AR: variants seen among roughly 807,000 people sequenced by gnomAD.
AR encodes androgen receptor.
AR carries 8 observed loss-of-function variants against 53.9 expected under a neutral mutation model. The observed-to-expected ratio is 0.15, with a 90% CI of 0.09 to 0.27. AR has a LOEUF of 0.27. Ranked by LOEUF, AR falls within the 10% of genes least tolerant of loss-of-function variation. AR has a pLI of 1.00. For synonymous variants in AR, 359 were observed against 316.4 expected, an observed-to-expected ratio of 1.13 and a Z score of -1.43; for missense variants, 639 against 742.5, an observed-to-expected ratio of 0.86 and a Z score of 1.62.
intron 1 of AR, among the ~76,000 whole-genome samples, chrX:67,564,164 A>C (rs758947371): frequency 8.9e-6 from 1 of 111,837 alleles, no homozygotes; most frequent in African/African-American, 3.2e-5. Context: ...ACATTTTTTT[A>C]ACAGCAAGTT....
intron 1 of AR, among the ~76,000 whole-genome samples, chrX:67,632,966 C>T (rs539858478): frequency 5.4e-5 from 6 of 111,479 alleles, no homozygotes; most frequent in African/African-American, 9.8e-5. Context: ...ATTGAGATAC[C>T]GGTTTACACC....
At chrX:67,570,401 A>G (rs1014419337) in intron 1 of AR, among the ~76,000 whole-genome samples, 5 of 112,227 alleles carry the variant, frequency 4.5e-5, no homozygotes, top group Non-Finnish European at 9.4e-5. Context: ...GGTACTTAAA[A>G]GTGTGTTGGT....
chrX:67,649,692 T>C (rs1470734971), intron 2 of AR, among the ~76,000 whole-genome samples: 1 of 112,324 alleles, frequency 8.9e-6, no homozygotes, highest in East Asian at 2.8e-4. Context: ...AAGTGTCTGT[T>C]CATATCCTTC....
At chrX:67,705,730 C>A (rs1602268108) in intron 3 of AR, among the ~76,000 whole-genome samples, 1 of 111,630 alleles carries the variant, frequency 9.0e-6, no homozygotes, top group Non-Finnish European at 1.9e-5. Context: ...TGCCAGTTTT[C>A]AAAGGGAGTG....
chrX:67,619,803 A>T (rs745927087), intron 1 of AR, among the ~76,000 whole-genome samples: 1 of 110,880 alleles, frequency 9.0e-6, no homozygotes, highest in South Asian at 3.9e-4. Context: ...CTGGAGTGAG[A>T]TGGGGTAGGG....
intron 1 of AR, among the ~76,000 whole-genome samples, chrX:67,639,340 T>A (rs1925622056): frequency 8.9e-6 from 1 of 112,095 alleles, no homozygotes; most frequent in South Asian, 3.7e-4. Flanking sequence ...GTAGTTTTTT[T>A]ATAATTCTGC....
chrX:67,626,436 CTTTTTTTTTTT>C (rs1233324601), intron 1 of AR, among the ~76,000 whole-genome samples: 3 of 46,817 alleles, frequency 6.4e-5, no homozygotes, highest in South Asian at 3.2e-3. Flanking sequence ...CAGGCTCTCT[CTTTTTTTTTTT>C]TTTTTTTTTT....
intron 2 of AR, among the ~76,000 whole-genome samples, chrX:67,675,963 G>A (rs915706701): frequency 9.0e-6 from 1 of 111,585 alleles, no homozygotes; most frequent in Non-Finnish European, 1.9e-5. Flanking sequence ...CCATGTCTTA[G>A]CTTTGAGCCT....
In AR at chrX:67,642,818, G is replaced by C. The variant is rs764159679; in HGVS notation, c.1617-438G>C. Among the ~76,000 whole-genome samples, 118 of 111,976 alleles carry C rather than the reference G, an allele frequency of 1.1e-3. 1 individual carries two copies. The highest frequency in any genetic ancestry group is 1.8e-3 in the Non-Finnish European group (96 of 53,174). ...ATAGATGAGATTTGAGGCTCACGAA[G>C]CTAAAGCAAGGAACATCAAATCACT... On this transcript the variant is annotated intron_variant, in intron 1 of 7. Coordinates refer to ENST00000374690, the MANE Select transcript of AR (RefSeq NM_000044.6).
intron 1 of AR, among the ~76,000 whole-genome samples, chrX:67,636,071 T>C (rs1014709182): frequency 3.6e-5 from 4 of 111,758 alleles, no homozygotes; most frequent in Non-Finnish European, 7.5e-5. Flanking sequence ...GAGCCCAGAT[T>C]AAAGAATCAA....
chrX:67,558,907 G>A (rs190085903), intron 1 of AR, among the ~76,000 whole-genome samples: 35 of 112,215 alleles, frequency 3.1e-4, no homozygotes, highest in African/African-American at 1.0e-3. Flanking sequence ...GAAGAAACAG[G>A]CACAGAGCAA....
At chrX:67,627,335 AGAT>A (rs1169650718) in intron 1 of AR, among the ~76,000 whole-genome samples, 1 of 112,001 alleles carries the variant, frequency 8.9e-6, no homozygotes, top group East Asian at 2.8e-4. Context: ...AACTGGCGTG[AGAT>A]GATATCTCAT....
chrX:67,717,283 G>C (rs1451338611), intron 4 of AR, among the ~76,000 whole-genome samples, 195 bp from the exon 5 acceptor site: 1 of 111,341 alleles, frequency 9.0e-6, no homozygotes, highest in African/African-American at 3.3e-5. Context: ...CAGGGAAGTA[G>C]GGAGGATAAG....
intron 1 of AR, among the ~76,000 whole-genome samples, chrX:67,573,955 C>G (rs1005110994): frequency 8.0e-5 from 9 of 112,149 alleles, no homozygotes; most frequent in African/African-American, 2.9e-4. Context: ...CTACCAGTAG[C>G]ATACATTTCA....
rs921184689 is a variant in AR, at chrX:67,640,980, G to A, written c.1617-2276G>A. Among the ~76,000 whole-genome samples the A allele has an allele frequency of 4.5e-5, 5 of 110,773 alleles. No homozygotes were observed. In the East Asian group the frequency reaches 1.1e-3, roughly 25 times the overall value. On this transcript the variant is annotated intron_variant, in intron 1 of 7. Transcript: ENST00000374690. ...AGTCCTTCTTCTCTAACAGATAGTAGTTTCTTAGGGCCAAGGAAATATCTC... is the reference window on the plus strand; with the variant it reads ...AGTCCTTCTTCTCTAACAGATAGTAATTTCTTAGGGCCAAGGAAATATCTC...
At chrX:67,696,016 G>A (rs1315309927) in intron 3 of AR, 9 of 750,425 alleles carry the variant, frequency 1.2e-5, no homozygotes, top group Non-Finnish European at 1.4e-5. Flanking sequence ...CTTTCTATTT[G>A]TTTGAATGTT....
intron 2 of AR, 137 bp downstream of exon 2, chrX:67,643,544 G>T: frequency 2.3e-6 from 2 of 882,999 alleles, no homozygotes; most frequent in Admixed American, 6.2e-5. Flanking sequence ...TAACTTAGGA[G>T]CCTAAGGAAG....
intron 1 of AR, among the ~76,000 whole-genome samples, chrX:67,594,717 G>C (rs1439714267): frequency 8.9e-6 from 1 of 112,034 alleles, no homozygotes; most frequent in Non-Finnish European, 1.9e-5. Flanking sequence ...GGAGGCCAAG[G>C]TGGGTGGATC....
At chrX:67,669,116 C>T (rs1241421232) in intron 2 of AR, among the ~76,000 whole-genome samples, 1 of 110,700 alleles carries the variant, frequency 9.0e-6, no homozygotes, top group African/African-American at 3.3e-5. Flanking sequence ...TCTTGCTTTT[C>T]CAGTTCTTTA....
Sources: allele counts gnomAD v4.1 joint callset (sites outside exome capture counted in the v4.1 genomes callset), GRCh38; gene constraint gnomAD v4.1.1; transcripts MANE v1.5; gene names NCBI Gene and HGNC (gene_info 2026-07-23, HGNC 2026-07-21).